The following ZNF385B variants were observed in gnomAD, a reference collection of about 807,000 sequenced individuals.
ZNF385B encodes the protein zinc finger protein 533.
In ZNF385B, 23 loss-of-function variants were observed where a neutral mutation model predicts 39.2. The ratio of observed to expected loss-of-function variants is 0.59; its 90% CI spans 0.42 to 0.83. The LOEUF (loss-of-function observed/expected upper bound fraction) is 0.83, where lower values mean the gene tolerates loss of function less well. ZNF385B is among the 40% of genes least tolerant of loss of function. The pLI is 0.00. For missense variants in ZNF385B, 552 were observed against 598.9 expected, an observed-to-expected ratio of 0.92 and a Z score of 0.82; for synonymous variants, 205 against 222.6, an observed-to-expected ratio of 0.92 and a Z score of 0.70.
chr2:179,714,480 G>C (rs1700194061), intron 3 of ZNF385B, among the ~76,000 whole-genome samples: 1 of 152,142 alleles, frequency 6.6e-6, no homozygotes, highest in African/African-American at 2.4e-5. Context: ...GATAGGTTAG[G>C]AAAGGCAGAT....
At chr2:179,857,729 A>G (rs1684715793) in intron 1 of ZNF385B, among the ~76,000 whole-genome samples, 1 of 152,222 alleles carries the variant, frequency 6.6e-6, no homozygotes, top group South Asian at 2.1e-4. Context: ...ATTTTAATAG[A>G]TTCCAACATT....
intron 3 of ZNF385B, among the ~76,000 whole-genome samples, chr2:179,659,270 G>T (rs1559044889): frequency 6.6e-6 from 1 of 152,146 alleles, no homozygotes; most frequent in Non-Finnish European, 1.5e-5. Flanking sequence ...CTTACCAATA[G>T]ATTCTCTTAC....
chr2:179,784,830 C>G (rs545141398), intron 1 of ZNF385B, among the ~76,000 whole-genome samples: 1 of 151,990 alleles, frequency 6.6e-6, no homozygotes, highest in East Asian at 1.9e-4. Context: ...AACTTGTATA[C>G]GCCGGTGGAA....
At position 179,755,810 on chromosome 2, in the gene ZNF385B, T is replaced by C. The variant is rs187578959; in HGVS notation, c.298+13693A>G. Among the ~76,000 whole-genome samples the C allele has an allele frequency of 3.7e-3, 561 of 152,332 alleles. 5 individuals are homozygous for C. Among genetic ancestry groups the C allele is most frequent in the African/African-American group, 0.013 (531 of 41,570 alleles). ...GTAGATCTTCCTCCATCCCTTTATTTTGAGCCTATGTGTGTCTCTGCACGT... is the reference window on the plus strand; with the variant it reads ...GTAGATCTTCCTCCATCCCTTTATTCTGAGCCTATGTGTGTCTCTGCACGT... On this transcript the variant is annotated intron_variant, in intron 3 of 9. Coordinates refer to ENST00000410066, the MANE Select transcript of ZNF385B (RefSeq NM_152520.6).
At chr2:179,511,458 G>A (rs6731124) in intron 5 of ZNF385B, among the ~76,000 whole-genome samples, 1 of 152,082 alleles carries the variant, frequency 6.6e-6, no homozygotes, top group African/African-American at 2.4e-5. Context: ...CAGAAAGACC[G>A]AGGAGGGCAT....
At chr2:179,545,580 G>A (rs762447037) in intron 3 of ZNF385B, among the ~76,000 whole-genome samples, 1 of 152,150 alleles carries the variant, frequency 6.6e-6, no homozygotes, top group Non-Finnish European at 1.5e-5. Flanking sequence ...GGTTGATTAT[G>A]GCTTGGCTTC....
At chr2:179,817,971 A>T (rs577393479) in intron 1 of ZNF385B, among the ~76,000 whole-genome samples, 1 of 152,166 alleles carries the variant, frequency 6.6e-6, no homozygotes, top group South Asian at 2.1e-4. Flanking sequence ...GTGTGTGTTT[A>T]TGTATGTGTC....
intron 4 of ZNF385B, among the ~76,000 whole-genome samples, chr2:179,528,655 T>C (rs1317895608): frequency 6.6e-6 from 1 of 152,230 alleles, no homozygotes; most frequent in Non-Finnish European, 1.5e-5. Flanking sequence ...TTTCGACAGA[T>C]AACTTTTAAA....
chr2:179,474,951 G>C (rs991391371), intron 6 of ZNF385B, among the ~76,000 whole-genome samples: 2 of 152,154 alleles, frequency 1.3e-5, no homozygotes, highest in African/African-American at 2.4e-5. Flanking sequence ...GAAGTAGAGA[G>C]GGCATTATTT....
At chr2:179,520,933 A>T (rs866970598) in intron 4 of ZNF385B, among the ~76,000 whole-genome samples, 2 of 152,236 alleles carry the variant, frequency 1.3e-5, no homozygotes, top group African/African-American at 2.4e-5. Context: ...CAAAAAATAC[A>T]TTGAAATTAA....
At chr2:179,505,538 T>C (rs1035924231) in intron 5 of ZNF385B, among the ~76,000 whole-genome samples, 11 of 152,130 alleles carry the variant, frequency 7.2e-5, no homozygotes, top group Non-Finnish European at 1.5e-4. Flanking sequence ...TATAGAATGT[T>C]ATTTCTTTCC....
rs149847138 is a variant in ZNF385B at position 179,547,922 on chromosome 2, T to C, written c.299-2953A>G. Among the ~76,000 whole-genome samples the C allele has an allele frequency of 8.7e-5, 13 of 149,906 alleles. 1 individual carries two copies. Among genetic ancestry groups the C allele is most frequent in the African/African-American group, 3.3e-4 (13 of 39,952 alleles). On this transcript the variant is annotated intron_variant, in intron 3 of 9. Transcript: ENST00000410066. ...TTTCATCAATGTTTCATAGTTTTCATTGTAGAGATTTTTTACTTCTTTGGT... is the reference window on the plus strand; with the variant it reads ...TTTCATCAATGTTTCATAGTTTTCACTGTAGAGATTTTTTACTTCTTTGGT...
chr2:179,830,095 T>C (rs1273772220), intron 1 of ZNF385B, among the ~76,000 whole-genome samples: 2 of 152,226 alleles, frequency 1.3e-5, no homozygotes, highest in Non-Finnish European at 2.9e-5. Context: ...ATGCAGATGA[T>C]AGGCATATTG....
At chr2:179,485,770 G>T (rs534410403) in intron 5 of ZNF385B, among the ~76,000 whole-genome samples, 1 of 152,072 alleles carries the variant, frequency 6.6e-6, no homozygotes, top group Non-Finnish European at 1.5e-5. Context: ...CTTGTAGGGC[G>T]GGAGGTGGCT....
intron 6 of ZNF385B, among the ~76,000 whole-genome samples, chr2:179,452,902 G>A (rs1461067688): frequency 6.6e-6 from 1 of 152,146 alleles, no homozygotes; most frequent in Non-Finnish European, 1.5e-5. Context: ...CCACTGGCAT[G>A]GCTGTGATCC....
intron 1 of ZNF385B, among the ~76,000 whole-genome samples, chr2:179,799,306 A>G (rs357708): frequency 0.23 from 34,280 of 151,930 alleles, 4,845 homozygotes; most frequent in African/African-American, 0.4. Flanking sequence ...TAAGGCATCA[A>G]TGTTAAAAGG....
At chr2:179,557,771 A>G (rs2061043609) in intron 3 of ZNF385B, among the ~76,000 whole-genome samples, 1 of 151,844 alleles carries the variant, frequency 6.6e-6, no homozygotes, top group Non-Finnish European at 1.5e-5. Context: ...GGTTTATATA[A>G]TGGGTATATT....
chr2:179,483,517 C>T lies in ZNF385B; in HGVS notation c.553-83G>A, dbSNP rs868186938. On this transcript the variant is annotated intron_variant, in intron 5 of 9. Transcript: ENST00000410066. ...TGATCATGCAGGAGAAAAATACATT[C>T]TATCATAGGCACCACAGACATTTAC... 50 of 1,561,598 alleles carry T rather than the reference C, an allele frequency of 3.2e-5. 1 individual carries two copies. The highest frequency in any genetic ancestry group is 3.1e-4 in the African/African-American group (23 of 73,814).
chr2:179,654,831 G>A (rs1693570212), intron 3 of ZNF385B, among the ~76,000 whole-genome samples: 1 of 152,144 alleles, frequency 6.6e-6, no homozygotes, highest in African/African-American at 2.4e-5. Flanking sequence ...ACTACCTATA[G>A]TGCACCCAAC....
Sources: gnomAD v4.1 joint callset for allele counts (sites outside exome capture counted in the v4.1 genomes callset) on GRCh38, gnomAD v4.1.1 for gene constraint, MANE v1.5 for transcripts, NCBI Gene and HGNC (gene_info 2026-07-23, HGNC 2026-07-21) for gene names.